The following VCF2 variants were observed in gnomAD, a reference collection of about 807,000 sequenced individuals.
The protein encoded by VCF2 is VCP nuclear cofactor family member 2.
the VCF2 span, among the ~76,000 whole-genome samples, chrX:55,151,127 G>A: frequency 2.5e-4 from 28 of 112,117 alleles, no homozygotes; most frequent in Non-Finnish European, 4.3e-4. Flanking sequence ...GCAAGTATAC[G>A]TAGTTTATGG....
At chrX:55,148,945 G>C in the VCF2 span, among the ~76,000 whole-genome samples, 1 of 111,652 alleles carries the variant, frequency 9.0e-6, no homozygotes, top group African/African-American at 3.2e-5. Context: ...GTTTGTCATA[G>C]CCTGATGCTA....
the VCF2 span, among the ~76,000 whole-genome samples, chrX:55,154,204 C>G: frequency 9.0e-6 from 1 of 111,693 alleles, no homozygotes; most frequent in Admixed American, 9.5e-5. Flanking sequence ...CTCACTGTGG[C>G]CTTGAACTCC....
the VCF2 span, chrX:55,160,881 T>A: frequency 2.6e-6 from 3 of 1,157,437 alleles, no homozygotes; most frequent in South Asian, 1.9e-5. Flanking sequence ...AGAACCAGCA[T>A]GTTCTTTCGG....
At chrX:55,157,112 T>G in the VCF2 span, among the ~76,000 whole-genome samples, 1 of 112,779 alleles carries the variant, frequency 8.9e-6, no homozygotes, top group African/African-American at 3.2e-5. Flanking sequence ...ACCATTACAT[T>G]GTTCAACAAC....
chrX:55,157,591 C>T, the VCF2 span, among the ~76,000 whole-genome samples: 1 of 111,987 alleles, frequency 8.9e-6, no homozygotes, highest in Admixed American at 9.4e-5. Flanking sequence ...GATAACCTGA[C>T]AAGGGGAGAT....
the VCF2 span, among the ~76,000 whole-genome samples, chrX:55,147,573 C>A: frequency 9.3e-6 from 1 of 107,795 alleles, no homozygotes; most frequent in Non-Finnish European, 1.9e-5. Flanking sequence ...ATTAAGTAAG[C>A]TATTACATTG....
the VCF2 span, chrX:55,145,684 T>A: frequency 7.9e-6 from 6 of 761,856 alleles, no homozygotes; most frequent in African/African-American, 1.4e-4. Context: ...ACATACCTCT[T>A]TACTAGGCTA....
At chrX:55,161,123 C>T in the VCF2 span, 6 of 1,207,114 alleles carry the variant, frequency 5.0e-6, no homozygotes, top group African/African-American at 8.7e-5. Flanking sequence ...CCGGAAAGGC[C>T]CCGACGAACT....
the VCF2 span, among the ~76,000 whole-genome samples, chrX:55,158,785 C>G: frequency 8.9e-6 from 1 of 111,835 alleles, no homozygotes; most frequent in Non-Finnish European, 1.9e-5. Context: ...GAAAGCAAGA[C>G]TTGCCTTCCA....
At chrX:55,150,848 A>G in the VCF2 span, among the ~76,000 whole-genome samples, 4 of 111,897 alleles carry the variant, frequency 3.6e-5, no homozygotes, top group Non-Finnish European at 7.5e-5. Context: ...GTGTTCATAA[A>G]CATTGAGCAG....
chrX:55,146,272 T>G, the VCF2 span: 1 of 1,211,500 alleles, frequency 8.3e-7, no homozygotes, highest in East Asian at 3.0e-5. Context: ...TCTGGGATAT[T>G]AATGCGGCTG....
chrX:55,160,827 C>T, the VCF2 span: 8 of 1,153,318 alleles, frequency 6.9e-6, no homozygotes, highest in Non-Finnish European at 9.2e-6. Flanking sequence ...ACCACATCCC[C>T]ACCTCACCCC....
the VCF2 span, among the ~76,000 whole-genome samples, chrX:55,150,781 G>A: frequency 9.0e-6 from 1 of 111,164 alleles, no homozygotes; most frequent in African/African-American, 3.3e-5. Context: ...TGATAACTTT[G>A]GAGACTGTGA....
chrX:55,148,551 T>C, the VCF2 span, among the ~76,000 whole-genome samples: 2 of 110,672 alleles, frequency 1.8e-5, no homozygotes, highest in Admixed American at 9.6e-5. Flanking sequence ...AAAAATCTTG[T>C]ATGGTAAATT....
At chrX:55,147,876 T>C in the VCF2 span, among the ~76,000 whole-genome samples, 2 of 110,861 alleles carry the variant, frequency 1.8e-5, no homozygotes, top group Admixed American at 9.6e-5. Context: ...TTAAAAGTTT[T>C]TAAACTCAAT....
chrX:55,161,156 T>G, the VCF2 span: 3 of 1,207,335 alleles, frequency 2.5e-6, no homozygotes, highest in Non-Finnish European at 2.2e-6. Context: ...CAGCCTCCCA[T>G]AGTCCTGCCC....
chrX:55,160,495 T>C, the VCF2 span, among the ~76,000 whole-genome samples: 2 of 112,603 alleles, frequency 1.8e-5, no homozygotes, highest in African/African-American at 6.4e-5. Context: ...AATGCAACTT[T>C]ACGAATGAAA....
the VCF2 span, among the ~76,000 whole-genome samples, chrX:55,151,120 A>C: frequency 8.9e-6 from 1 of 112,491 alleles, no homozygotes; most frequent in African/African-American, 3.2e-5. Context: ...ACTATTTGCA[A>C]GTATACGTAG....
chrX:55,158,463 T>C, the VCF2 span, among the ~76,000 whole-genome samples: 3 of 111,535 alleles, frequency 2.7e-5, no homozygotes, highest in Non-Finnish European at 5.7e-5. Flanking sequence ...AAGGAATAAG[T>C]TATAGAATTC....
Sources: allele counts gnomAD v4.1 joint callset (sites outside exome capture counted in the v4.1 genomes callset), GRCh38; gene constraint gnomAD v4.1.1; transcripts MANE v1.5; gene names NCBI Gene and HGNC (gene_info 2026-07-23, HGNC 2026-07-21).